ERC1: variants seen among roughly 807,000 people sequenced by gnomAD.
ERC1 encodes the protein ELKS/RAB6-interacting/CAST family member 1, also known as RAB6 interacting protein 2.
Under a neutral mutation model 132.0 loss-of-function variants are expected in ERC1, and 56 were observed. That is an observed-to-expected ratio of 0.42 (90% CI 0.34 to 0.53). ERC1 has a LOEUF of 0.53. ERC1 is among the 20% of genes least tolerant of loss of function. The pLI, the probability that ERC1 is intolerant of heterozygous loss-of-function variation, is 0.03. For synonymous variants in ERC1, 478 were observed against 476.1 expected, an observed-to-expected ratio of 1.00 and a Z score of -0.05; for missense variants, 1,202 against 1,349.9, an observed-to-expected ratio of 0.89 and a Z score of 1.72.
intron 15 of ERC1, among the ~76,000 whole-genome samples, chr12:1,321,397 G>A (rs1208911056): frequency 1.3e-5 from 2 of 152,094 alleles, no homozygotes; most frequent in East Asian, 3.8e-4. Context: ...TGTAAAGGTA[G>A]CAATTGCCTG....
At chr12:1,093,824 A>T (rs12814466) in intron 3 of ERC1, among the ~76,000 whole-genome samples, 28,275 of 149,902 alleles carry the variant, frequency 0.19, 3,401 homozygotes, top group Non-Finnish European at 0.25. Context: ...TTACTGGCAG[A>T]TAGAAGGTAT....
intron 15 of ERC1, among the ~76,000 whole-genome samples, chr12:1,310,724 T>C (rs1418708284): frequency 1.3e-5 from 2 of 152,274 alleles, no homozygotes; most frequent in East Asian, 3.8e-4. Context: ...CTCTTGAATC[T>C]GGATCCAGTT....
At chr12:1,103,967 A>G (rs1189232587) in intron 3 of ERC1, among the ~76,000 whole-genome samples, 2 of 151,706 alleles carry the variant, frequency 1.3e-5, no homozygotes, top group East Asian at 3.9e-4. Flanking sequence ...TATTCCCTGG[A>G]TTCCCAAGAG....
rs57016547 is a variant in ERC1 at position 1,241,847 on chromosome 12, C to CTT, written c.2487+4969_2487+4970dup. ...CCAATTTTTTGCATTTCTTCTTCTT[C>CTT]TTTTTTTTTTTTTTTTTTTTTTTTT... On this transcript the variant is annotated intron_variant, in intron 13 of 18. Coordinates refer to ENST00000360905, the MANE Select transcript of ERC1 (RefSeq NM_178040.4). Among the ~76,000 whole-genome samples, 250 of 80,488 alleles carry CTT rather than the reference C, an allele frequency of 3.1e-3. 17 individuals are homozygous for CTT. The highest frequency in any genetic ancestry group is 5.6e-3 in the African/African-American group (108 of 19,124). The allele number at this position is 80,488 out of a possible 152,430, so 52.8% of individuals were successfully genotyped here. A position where few individuals can be genotyped will look rare whatever the true frequency, so the allele number is the denominator to read the frequency against.
chr12:1,492,164 G>T lies in ERC1; in HGVS notation c.*1934G>T, dbSNP rs1325170512. On this transcript the variant is annotated 3_prime_UTR_variant, in exon 19 of 19. Transcript: ENST00000360905. ...AGCGTTTCTTATCGAAGGTTAAATG[G>T]ACTCTGCTCATAAACCTCTTACTGA... The T allele has an allele frequency of 8.6e-6, 2 of 232,850 alleles. No individual in the cohort carries two copies. Among genetic ancestry groups the T allele is most frequent in the Non-Finnish European group, 1.7e-5 (2 of 117,880 alleles). The allele number at this position is 232,850 out of a possible 1,614,324, so 14.4% of individuals were successfully genotyped here.
chr12:1,277,684 TA>T (rs1334790793), intron 14 of ERC1, among the ~76,000 whole-genome samples: 2 of 152,194 alleles, frequency 1.3e-5, no homozygotes, highest in Admixed American at 1.3e-4. Flanking sequence ...AATAGAGTGT[TA>T]CGTTGGTAAC....
In ERC1 at chr12:1,492,175, T is replaced by C. The variant is rs968561354; in HGVS notation, c.*1945T>C. The stretch of plus-strand genomic sequence containing the variant: ...TCGAAGGTTAAATGGACTCTGCTCA[T>C]AAACCTCTTACTGAGATGCTTCCTG... On this transcript the variant is annotated 3_prime_UTR_variant, in exon 19 of 19. Coordinates refer to ENST00000360905, the MANE Select transcript of ERC1 (RefSeq NM_178040.4). The C allele has an allele frequency of 4.7e-5, 11 of 232,864 alleles. No individual in the cohort carries two copies. The highest frequency in any genetic ancestry group is 9.3e-5 in the Non-Finnish European group (11 of 117,890). 14.4% of individuals were successfully genotyped at this position (232,864 alleles called of 1,614,324 possible). A position where few individuals can be genotyped will look rare whatever the true frequency, so the allele number is the denominator to read the frequency against.
chr12:1,213,938 T>A (rs575963507), intron 12 of ERC1, among the ~76,000 whole-genome samples: 1 of 152,022 alleles, frequency 6.6e-6, no homozygotes, highest in Non-Finnish European at 1.5e-5. Context: ...AAAGTTGAGT[T>A]TTTAAAAAAG....
intron 17 of ERC1, among the ~76,000 whole-genome samples, chr12:1,440,328 C>T (rs1191931051): frequency 6.8e-6 from 1 of 148,018 alleles, no homozygotes; most frequent in Non-Finnish European, 1.5e-5. Flanking sequence ...CCTCAGCCTC[C>T]CGAGTAGCTG....
At chr12:1,113,016 C>G (rs1308586422) in intron 6 of ERC1, among the ~76,000 whole-genome samples, 1 of 151,990 alleles carries the variant, frequency 6.6e-6, no homozygotes, top group Non-Finnish European at 1.5e-5. Flanking sequence ...CATGTACAGG[C>G]TTTTTTCCCA....
intron 17 of ERC1, among the ~76,000 whole-genome samples, chr12:1,443,113 A>G (rs993499317): frequency 2.0e-5 from 3 of 151,926 alleles, no homozygotes; most frequent in African/African-American, 7.3e-5. Flanking sequence ...GTTAGCCAGG[A>G]TGGTCTCGAT....
At chr12:1,183,040 G>T (rs1019542048) in intron 10 of ERC1, among the ~76,000 whole-genome samples, 1 of 152,112 alleles carries the variant, frequency 6.6e-6, no homozygotes, top group Admixed American at 6.5e-5. Flanking sequence ...GGTTTATTTT[G>T]TATTGACAGA....
Position 1,493,177 on chromosome 12 carries a change from C to T in ERC1, c.*2947C>T, listed in dbSNP as rs189851189. The T allele has an allele frequency of 2.0e-5, 4 of 203,248 alleles. No individual in the cohort carries two copies. The East Asian group carries it at 3.0e-4, about 15-fold the overall frequency. 12.6% of individuals were successfully genotyped at this position (203,248 alleles called of 1,614,324 possible). A position where few individuals can be genotyped will look rare whatever the true frequency, so the allele number is the denominator to read the frequency against. On this transcript the variant is annotated 3_prime_UTR_variant, in exon 19 of 19. Transcript: ENST00000360905. ...TCATTGAATCATTGATGAGGTATCTCAATTGAGATTTGCAAGGACTTTGAT... is the reference window on the plus strand; with the variant it reads ...TCATTGAATCATTGATGAGGTATCTTAATTGAGATTTGCAAGGACTTTGAT...
At chr12:1,026,850 C>G (rs953508115) in intron 1 of ERC1, among the ~76,000 whole-genome samples, 24 of 152,180 alleles carry the variant, frequency 1.6e-4, no homozygotes, top group Non-Finnish European at 2.8e-4. Context: ...TGTATCTTTA[C>G]TCTCCATTTG....
chr12:1,404,519 T>C (rs1052939204), intron 16 of ERC1, among the ~76,000 whole-genome samples: 2 of 152,230 alleles, frequency 1.3e-5, no homozygotes, highest in African/African-American at 2.4e-5. Flanking sequence ...ATTATTTTCA[T>C]ATTTTCTCTT....
intron 3 of ERC1, among the ~76,000 whole-genome samples, chr12:1,099,587 C>T (rs1397685641): frequency 6.6e-6 from 1 of 152,104 alleles, no homozygotes; most frequent in Non-Finnish European, 1.5e-5. Flanking sequence ...TATACAGTTA[C>T]TTAAAAAGTA....
At chr12:1,211,252 G>A (rs1301943369) in intron 12 of ERC1, among the ~76,000 whole-genome samples, 3 of 151,994 alleles carry the variant, frequency 2.0e-5, no homozygotes, top group African/African-American at 7.3e-5. Flanking sequence ...GTTTTCAAGC[G>A]ATTCTCCTGC....
chr12:1,389,341 C>T (rs2089728681), intron 16 of ERC1, among the ~76,000 whole-genome samples: 2 of 152,312 alleles, frequency 1.3e-5, no homozygotes, highest in South Asian at 2.1e-4. Flanking sequence ...AGAAATACTA[C>T]TTAAACCCAT....
At chr12:1,251,408 A>T (rs979687898) in intron 13 of ERC1, among the ~76,000 whole-genome samples, 2 of 152,096 alleles carry the variant, frequency 1.3e-5, no homozygotes, top group African/African-American at 4.8e-5. Flanking sequence ...TTTCTTAGTA[A>T]AACAGGGCTT....
Sources: allele counts gnomAD v4.1 joint callset (sites outside exome capture counted in the v4.1 genomes callset), GRCh38; gene constraint gnomAD v4.1.1; transcripts MANE v1.5; gene names NCBI Gene and HGNC (gene_info 2026-07-23, HGNC 2026-07-21).